ZNF385A: variants seen among roughly 807,000 people sequenced by gnomAD.
ZNF385A encodes zinc finger protein 385A.
A neutral mutation model predicts 32.1 loss-of-function variants in ZNF385A; 14 were observed. The ratio of observed to expected loss-of-function variants is 0.44; its 90% CI spans 0.29 to 0.68. The LOEUF (loss-of-function observed/expected upper bound fraction) is 0.68, where lower values mean the gene tolerates loss of function less well. Among genes scored for constraint, ZNF385A ranks in the 30% least tolerant of loss-of-function variants. The probability of loss-of-function intolerance (pLI) is 0.14; values close to 1 mark genes in which losing one functional copy is unlikely to be tolerated. For synonymous variants in ZNF385A, 197 were observed against 202.7 expected (o/e 0.97, Z 0.24); for missense variants, 406 against 478.4 (o/e 0.85, Z 1.41).
chr12:54,379,098 C>T, intron 1 of ZNF385A: 1 of 982,214 alleles, frequency 1.0e-6, no homozygotes. Flanking sequence ...GGCTCCATGG[C>T]CCGGGGTGGC....
upstream of ZNF385A, among the ~76,000 whole-genome samples, chr12:54,386,099 G>T (rs1219253509): frequency 6.6e-6 from 1 of 151,860 alleles, no homozygotes. Flanking sequence ...TGACCCTTAA[G>T]TAGCTGGGGG....
chr12:54,384,543 G>A lies in ZNF385A; in HGVS notation c.-29C>T. The A allele has an allele frequency of 1.3e-6, 2 of 1,489,430 alleles. No individual in the cohort carries two copies. The highest frequency in any genetic ancestry group is 1.3e-5 in the South Asian group (1 of 76,168). The allele number at this position is 1,489,430 out of a possible 1,614,324, so 92.3% of individuals were successfully genotyped here. On this transcript the variant is annotated 5_prime_UTR_variant, in exon 1 of 7. Coordinates refer to ENST00000394313, the MANE Select transcript of ZNF385A (RefSeq NM_015481.3). ...CGGGGGCTGCCGTAGCAGAGGCAGG[G>A]GCCCTGCCCGGCTCAGGCTGCCTGA...
At chr12:54,389,964 G>A (rs967449569) in intron 1 of ZNF385A, among the ~76,000 whole-genome samples, 3 of 152,114 alleles carry the variant, frequency 2.0e-5, no homozygotes, top group South Asian at 4.1e-4. Context: ...ACACACAGGA[G>A]GAGGAGAGAA....
In ZNF385A at chr12:54,373,942, A is replaced by C. The variant is rs201064767; in HGVS notation, c.361+31T>G. 3.4e-4 allele frequency: 490 copies of C among 1,436,208 alleles called. 1 individual carries two copies. In the African/African-American group the frequency reaches 6.5e-3, roughly 19 times the overall value. 89.0% of individuals were successfully genotyped at this position (1,436,208 alleles called of 1,614,324 possible). A position where few individuals can be genotyped will look rare whatever the true frequency, so the allele number is the denominator to read the frequency against. On this transcript the variant is annotated intron_variant, in intron 3 of 6. Transcript: ENST00000394313. ...GGAGAGAATAGAGAAGACAGAGATC[A>C]GTTGAAGAATATGCGGGGATTCAGA...
Position 54,370,138 on chromosome 12 carries a change from G to C in ZNF385A, c.*118C>G, listed in dbSNP as rs563351038. On this transcript the variant is annotated 3_prime_UTR_variant, in exon 7 of 7. Coordinates refer to ENST00000394313, the MANE Select transcript of ZNF385A (RefSeq NM_015481.3). This position sits in a 1 kb window ranked among gnomAD's most constrained non-coding sequence, Gnocchi z 5.5. ...TTCCTGGAACCCCGTATCTCGGGGT[G>C]GGGGGGGGGAAGGAGAGATCATTTA... is the stretch of plus-strand genomic sequence containing the variant. 2 of 416,324 alleles carry C rather than the reference G, an allele frequency of 4.8e-6. No homozygotes were observed. The highest frequency in any genetic ancestry group is 1.3e-4 in the East Asian group (1 of 7,772). 25.8% of individuals were successfully genotyped at this position (416,324 alleles called of 1,614,324 possible).
chr12:54,383,897 A>AAAAC (rs1349322873), intron 1 of ZNF385A, among the ~76,000 whole-genome samples: 3 of 152,230 alleles, frequency 2.0e-5, no homozygotes, highest in Non-Finnish European at 2.9e-5. Context: ...CCGTCTCATA[A>AAAAC]AAACAAACAA....
intron 1 of ZNF385A, among the ~76,000 whole-genome samples, chr12:54,376,767 A>G (rs1056925506): frequency 6.6e-6 from 1 of 152,208 alleles, no homozygotes; most frequent in Non-Finnish European, 1.5e-5. Flanking sequence ...TCACATGAGT[A>G]AGGGAGAGGA....
chr12:54,387,621 ACT>A (rs1251653322), upstream of ZNF385A, among the ~76,000 whole-genome samples: 3 of 152,090 alleles, frequency 2.0e-5, no homozygotes, highest in Non-Finnish European at 4.4e-5. Flanking sequence ...AGGTTCTCTG[ACT>A]CTCAGTCTCA....
chr12:54,372,225 T>G (rs2137170156), intron 3 of ZNF385A, among the ~76,000 whole-genome samples: 2 of 152,326 alleles, frequency 1.3e-5, no homozygotes, highest in East Asian at 3.9e-4. Context: ...GAAACAGGGA[T>G]GTAGGCTGCT....
exon 1 of ZNF385A, chr12:54,391,286 C>G: frequency 1.0e-6 from 1 of 973,902 alleles, no homozygotes; most frequent in Non-Finnish European, 1.2e-6. Flanking sequence ...CGCTCTGTCC[C>G]GGGGGCCGTT....
chr12:54,385,893 C>G (rs1955458373), upstream of ZNF385A: 2 of 153,150 alleles, frequency 1.3e-5, no homozygotes, highest in African/African-American at 4.8e-5. Flanking sequence ...TCTGAGGCGA[C>G]AGGGAGGGGG....
chr12:54,371,896 G>T (rs1251172662), intron 3 of ZNF385A, among the ~76,000 whole-genome samples, 181 bp from the exon 4 acceptor site: 1 of 152,256 alleles, frequency 6.6e-6, no homozygotes, highest in African/African-American at 2.4e-5. Context: ...CGCAGGCTGG[G>T]TGTGAAACTC....
chr12:54,378,199 G>A (rs2137231497), intron 1 of ZNF385A, among the ~76,000 whole-genome samples: 1 of 152,242 alleles, frequency 6.6e-6, no homozygotes, highest in Non-Finnish European at 1.5e-5. Context: ...TGAAAGTGAG[G>A]ACTCCTGGGC....
At position 54,374,076 on chromosome 12, in the gene ZNF385A, C is replaced by T; in HGVS notation, c.258G>A (p.Glu86=). The T allele has an allele frequency of 6.2e-7, 1 of 1,601,668 alleles. No individual in the cohort carries two copies. Among genetic ancestry groups the T allele is most frequent in the Non-Finnish European group, 8.5e-7 (1 of 1,171,524 alleles). ...NRHARRVKGI[E]AAKTRGREPG... ...GCTCCCTGCCTCTGGTCTTGGCAGC[C>T]TCAATGCCTTTGACTCGTCGGGCGT... The change falls in exon 3 of 7, where the codon GAG becomes GAA. Residue 86 remains glutamate (E), a synonymous_variant. Transcript: ENST00000394313.
intron 1 of ZNF385A, among the ~76,000 whole-genome samples, chr12:54,382,398 T>C (rs891072341): frequency 1.3e-5 from 2 of 152,052 alleles, no homozygotes; most frequent in African/African-American, 2.4e-5. Flanking sequence ...AAAAGTGCAA[T>C]GCAAATGTGT....
Position 54,370,424 on chromosome 12 carries a change from G to C in ZNF385A, c.933C>G (p.Pro311=), listed in dbSNP as rs1954461648. The change falls in exon 7 of 7, where the codon CCC becomes CCG. Residue 311 remains proline, a synonymous_variant. Coordinates refer to ENST00000394313, the MANE Select transcript of ZNF385A (RefSeq NM_015481.3). This position sits in a 1 kb window ranked among gnomAD's most constrained non-coding sequence, Gnocchi z 5.5. ...KSLAGGLLPS[P]LAVAAVMAAA... ...CTGCCATCACTGCAGCCACCGCCAGGGGGCTGGGGAGCAGGCCGCCCGCCA... is the reference window on the plus strand; with the variant it reads ...CTGCCATCACTGCAGCCACCGCCAGCGGGCTGGGGAGCAGGCCGCCCGCCA... 1.3e-6 allele frequency: 2 copies of C among 1,548,050 alleles called. No individual in the cohort carries two copies. Among genetic ancestry groups the C allele is most frequent in the Non-Finnish European group, 1.7e-6 (2 of 1,145,032 alleles).
Position 54,371,109 on chromosome 12 carries a change from G to C in ZNF385A, c.605-13C>G, listed in dbSNP as rs370695666. ...TTGTGCTTAGTACCTGGAGCCCAGAGAGGGCAGGAGGTAAGGGGTGGAAGA... is the reference window on the plus strand; with the variant it reads ...TTGTGCTTAGTACCTGGAGCCCAGACAGGGCAGGAGGTAAGGGGTGGAAGA... On this transcript the variant is annotated splice_polypyrimidine_tract_variant and intron_variant, in intron 4 of 6. Coordinates refer to ENST00000394313, the MANE Select transcript of ZNF385A (RefSeq NM_015481.3). The C allele has an allele frequency of 3.4e-5, 54 of 1,577,596 alleles. No homozygotes were observed. The Admixed American group carries it at 1.0e-3, about 30-fold the overall frequency.
upstream of ZNF385A, chr12:54,385,260 T>A (rs1955415685): frequency 6.6e-6 from 1 of 152,266 alleles, no homozygotes; most frequent in South Asian, 2.1e-4. Flanking sequence ...ACAGGTCCAG[T>A]TCTGCAGGAG....
Position 54,375,644 on chromosome 12 carries a change from C to A in ZNF385A, c.198+200G>T, listed in dbSNP as rs150528317. The stretch of plus-strand genomic sequence containing the variant: ...ATCTACTTCATGTCAAAATACACAG[C>A]AACTTCTTGTGTCTCTCCAGTGCCT... On this transcript the variant is annotated intron_variant, in intron 2 of 6. Coordinates refer to ENST00000394313, the MANE Select transcript of ZNF385A (RefSeq NM_015481.3). 2.2e-3 allele frequency among the ~76,000 whole-genome samples: 329 copies of A among 152,292 alleles called. 1 individual carries two copies. The Middle Eastern group carries it at 0.048, about 22-fold the overall frequency.
Sources: allele counts gnomAD v4.1 joint callset (sites outside exome capture counted in the v4.1 genomes callset), GRCh38; gene constraint gnomAD v4.1.1; non-coding constraint Gnocchi (gnomAD v3.1); transcripts MANE v1.5; gene names NCBI Gene and HGNC (gene_info 2026-07-23, HGNC 2026-07-21).